Variants in BMPR1A observed in about 807,000 individuals in gnomAD.
The protein encoded by BMPR1A is bone morphogenetic protein receptor type 1A, also known as bone morphogenetic protein receptor type-1A.
BMPR1A carries 7 observed loss-of-function variants against 66.0 expected under a neutral mutation model. That is an observed-to-expected ratio of 0.11 (90% CI 0.06 to 0.20). The LOEUF (loss-of-function observed/expected upper bound fraction) is 0.20. BMPR1A is among the 10% of genes least tolerant of loss of function. The pLI, the probability that BMPR1A is intolerant of heterozygous loss-of-function variation, is 1.00. For missense variants in BMPR1A, 408 were observed against 669.1 expected, an observed-to-expected ratio of 0.61 and a Z score of 4.31; for synonymous variants, 200 against 229.7, an observed-to-expected ratio of 0.87 and a Z score of 1.17.
intron 1 of BMPR1A, among the ~76,000 whole-genome samples, chr10:86,757,838 A>C (rs1847902665): frequency 6.6e-6 from 1 of 152,218 alleles, no homozygotes; most frequent in South Asian, 2.1e-4. Context: ...CTGGGATTTG[A>C]ACCCAGGAAC....
At chr10:86,917,425 A>C in intron 9 of BMPR1A, 99 bp downstream of exon 9, 2 of 1,417,738 alleles carry the variant, frequency 1.4e-6, no homozygotes, top group Non-Finnish European at 2.0e-6. Context: ...GAGTTCAACT[A>C]TATACATTTG....
intron 1 of BMPR1A, among the ~76,000 whole-genome samples, chr10:86,825,706 G>A (rs756102568): frequency 6.6e-6 from 1 of 152,068 alleles, no homozygotes; most frequent in Non-Finnish European, 1.5e-5. Flanking sequence ...TGAACTCACG[G>A]GCTGAAGTGA....
At chr10:86,777,116 A>C (rs1841361612) in intron 1 of BMPR1A, among the ~76,000 whole-genome samples, 1 of 151,910 alleles carries the variant, frequency 6.6e-6, no homozygotes. Flanking sequence ...TATTCAGTTT[A>C]ATTTCTGTTG....
chr10:86,802,678 G>A (rs1006338280), intron 1 of BMPR1A, among the ~76,000 whole-genome samples: 3 of 151,258 alleles, frequency 2.0e-5, no homozygotes, highest in Non-Finnish European at 4.4e-5. Context: ...CATTAACCTC[G>A]AATGTTAGCT....
At chr10:86,896,008 G>T (rs570707803) in intron 5 of BMPR1A, among the ~76,000 whole-genome samples, 1 of 152,226 alleles carries the variant, frequency 6.6e-6, no homozygotes, top group East Asian at 1.9e-4. Flanking sequence ...ACAAAAATTA[G>T]CCGGGCGTGG....
At chr10:86,815,113 G>A (rs1401526742) in intron 1 of BMPR1A, among the ~76,000 whole-genome samples, 5 of 152,122 alleles carry the variant, frequency 3.3e-5, no homozygotes, top group Admixed American at 2.0e-4. Flanking sequence ...TAACTTCTAT[G>A]AGATTTGGAT....
chr10:86,864,398 C>CACT (rs1842752671), intron 2 of BMPR1A, among the ~76,000 whole-genome samples: 2 of 152,190 alleles, frequency 1.3e-5, no homozygotes, highest in Non-Finnish European at 2.9e-5. Context: ...CAACCTCTGT[C>CACT]ACGACCTTCC....
intron 1 of BMPR1A, among the ~76,000 whole-genome samples, chr10:86,810,962 G>A (rs114676872): frequency 5.5e-4 from 83 of 152,258 alleles, no homozygotes; most frequent in African/African-American, 1.7e-3. Flanking sequence ...GGTCGGGCGG[G>A]TCTTAAACTC....
At chr10:86,893,743 G>A (rs1354667039) in intron 5 of BMPR1A, among the ~76,000 whole-genome samples, 3 of 150,874 alleles carry the variant, frequency 2.0e-5, no homozygotes, top group African/African-American at 7.3e-5. Context: ...AGCTGAGATC[G>A]CACCACTGCA....
At chr10:86,893,591 C>T (rs904498654) in intron 5 of BMPR1A, among the ~76,000 whole-genome samples, 5 of 152,026 alleles carry the variant, frequency 3.3e-5, no homozygotes, top group African/African-American at 1.2e-4. Flanking sequence ...AGATCAAGAC[C>T]ATCCGGCTAA....
At chr10:86,794,578 A>G (rs1195253103) in intron 1 of BMPR1A, among the ~76,000 whole-genome samples, 1 of 152,158 alleles carries the variant, frequency 6.6e-6, no homozygotes, top group African/African-American at 2.4e-5. Context: ...AGTATATAAC[A>G]TTTTGTTGGT....
chr10:86,874,709 CTTTT>C (rs200991488), intron 2 of BMPR1A, among the ~76,000 whole-genome samples: 1 of 92,436 alleles, frequency 1.1e-5, no homozygotes, highest in African/African-American at 5.0e-5. Context: ...ACCCGACCTT[CTTTT>C]TTTTTTTTTT....
intron 1 of BMPR1A, among the ~76,000 whole-genome samples, chr10:86,763,297 C>T (rs867854021): frequency 1.4e-4 from 22 of 152,076 alleles, no homozygotes; most frequent in African/African-American, 4.8e-4. Flanking sequence ...CATAAAGAAG[C>T]AGCGGAATGA....
chr10:86,877,347 AC>A (rs1443210344), intron 3 of BMPR1A, among the ~76,000 whole-genome samples: 2 of 151,526 alleles, frequency 1.3e-5, no homozygotes, highest in African/African-American at 4.9e-5. Context: ...AGCTGGGATT[AC>A]AGGCGCCCAC....
intron 1 of BMPR1A, among the ~76,000 whole-genome samples, chr10:86,779,947 C>G (rs1841410227): frequency 6.6e-6 from 1 of 152,072 alleles, no homozygotes; most frequent in Non-Finnish European, 1.5e-5. Context: ...TCCTTGTCAC[C>G]CAGGCCAGAA....
At chr10:86,920,808 T>A (rs748061548) in intron 10 of BMPR1A, among the ~76,000 whole-genome samples, 148 of 151,860 alleles carry the variant, frequency 9.7e-4, no homozygotes, top group Non-Finnish European at 1.7e-3. Flanking sequence ...TCACCACTTC[T>A]CAGACATAAT....
At chr10:86,876,123 A>C in intron 3 of BMPR1A, 38 bp downstream of exon 3, 7 of 1,553,696 alleles carry the variant, frequency 4.5e-6, no homozygotes, top group Non-Finnish European at 6.2e-6. Context: ...ATGTGTGTAT[A>C]TAAAAAGCAC....
At chr10:86,881,870 A>G (rs1199695226) in intron 3 of BMPR1A, among the ~76,000 whole-genome samples, 1 of 152,232 alleles carries the variant, frequency 6.6e-6, no homozygotes, top group African/African-American at 2.4e-5. Flanking sequence ...TTATGATACA[A>G]TTGGAAATTA....
chr10:86,850,051 T>C (rs1176887928), intron 2 of BMPR1A, among the ~76,000 whole-genome samples: 1 of 152,162 alleles, frequency 6.6e-6, no homozygotes, highest in African/African-American at 2.4e-5. Context: ...CCGGGTGCAG[T>C]GGCTCATGCC....
Sources: allele counts gnomAD v4.1 joint callset (sites outside exome capture counted in the v4.1 genomes callset), GRCh38; gene constraint gnomAD v4.1.1; transcripts MANE v1.5; gene names NCBI Gene and HGNC (gene_info 2026-07-23, HGNC 2026-07-21).